Variants in GABRB3 observed in about 807,000 individuals in gnomAD.
GABRB3 encodes gamma-aminobutyric acid type A receptor subunit beta3.
GABRB3 carries 14 observed loss-of-function variants against 52.1 expected under a neutral mutation model. The observed-to-expected ratio is 0.27, with a 90% CI of 0.18 to 0.42. The LOEUF (loss-of-function observed/expected upper bound fraction) is 0.42, where lower values mean the gene tolerates loss of function less well. Among genes scored for constraint, GABRB3 ranks in the 10% least tolerant of loss-of-function variants. The probability of loss-of-function intolerance (pLI) is 1.00; values close to 1 mark genes in which losing one functional copy is unlikely to be tolerated. For missense variants in GABRB3, 307 were observed against 609.1 expected (o/e 0.50, Z 5.22); for synonymous variants, 260 against 232.3 (o/e 1.12, Z -1.08).
At chr15:26,604,315 C>T (rs1891700132) in intron 4 of GABRB3, among the ~76,000 whole-genome samples, 2 of 151,982 alleles carry the variant, frequency 1.3e-5, no homozygotes, top group African/African-American at 4.8e-5. Context: ...TTGGAAGAAT[C>T]ATTATTGTTA....
chr15:26,549,464 T>C (rs990473881), intron 8 of GABRB3, among the ~76,000 whole-genome samples: 1 of 152,158 alleles, frequency 6.6e-6, no homozygotes, highest in Non-Finnish European at 1.5e-5. Flanking sequence ...GTAACACCAT[T>C]CTGGGTCACT....
chr15:26,623,625 G>A (rs1363119965), intron 3 of GABRB3, among the ~76,000 whole-genome samples: 10 of 152,024 alleles, frequency 6.6e-5, no homozygotes, highest in South Asian at 2.1e-4. Context: ...AGATTTCAGC[G>A]GCTTAGACTC....
chr15:26,679,070 C>T lies in GABRB3; in HGVS notation c.241-57536G>A, dbSNP rs1038039907. On this transcript the variant is annotated intron_variant, in intron 3 of 8. Transcript: ENST00000311550. ...AACCTGCAGAAAGACCTCCAGCATCCGCCCCGGGGGCACCAACAAGGTCTA... is the reference window on the plus strand; with the variant it reads ...AACCTGCAGAAAGACCTCCAGCATCTGCCCCGGGGGCACCAACAAGGTCTA... Among the ~76,000 whole-genome samples, 15 of 152,226 alleles carry T rather than the reference C, an allele frequency of 9.9e-5. No individual in the cohort carries two copies. The South Asian group carries it at 1.0e-3, about 11-fold the overall frequency.
In GABRB3 at chr15:26,608,606, C is replaced by CAA. The variant is rs35878817; in HGVS notation, c.461+12706_461+12707dup. Among the ~76,000 whole-genome samples the CAA allele has an allele frequency of 5.3e-3, 808 of 151,294 alleles. 5 individuals are homozygous for CAA. Among genetic ancestry groups the CAA allele is most frequent in the African/African-American group, 0.018 (750 of 41,272 alleles). On this transcript the variant is annotated intron_variant, in intron 4 of 8. Transcript: ENST00000311550. ...GTCAAACAACTCAACAGCAAGAAAA[C>CAA]AAAAAAAAGCTCAATTTAAAAAATG...
intron 4 of GABRB3, among the ~76,000 whole-genome samples, chr15:26,611,257 T>A (rs1042013350): frequency 3.3e-5 from 5 of 152,228 alleles, no homozygotes; most frequent in African/African-American, 1.2e-4. Flanking sequence ...ACTTTTTGTG[T>A]AATTTAAAAC....
At chr15:26,576,184 C>T (rs952829219) in intron 6 of GABRB3, among the ~76,000 whole-genome samples, 6 of 152,280 alleles carry the variant, frequency 3.9e-5, no homozygotes, top group East Asian at 1.9e-4. Context: ...AACCTGATCC[C>T]GTAATCTGTC....
intron 7 of GABRB3, among the ~76,000 whole-genome samples, chr15:26,562,776 C>T (rs991878123): frequency 3.9e-5 from 6 of 152,134 alleles, no homozygotes; most frequent in East Asian, 1.9e-4. Flanking sequence ...CCAACACAAG[C>T]GCTCCCTCCA....
At chr15:26,697,867 T>C (rs574487855) in intron 3 of GABRB3, among the ~76,000 whole-genome samples, 21 of 152,266 alleles carry the variant, frequency 1.4e-4, no homozygotes, top group African/African-American at 5.1e-4. Context: ...ACGTTCACTG[T>C]TTCTCCCAGC....
chr15:26,569,203 C>T (rs942712320), intron 6 of GABRB3: 1 of 152,190 alleles, frequency 6.6e-6, no homozygotes, highest in African/African-American at 2.4e-5. Context: ...CGTATGACTA[C>T]TACCATTATG....
intron 3 of GABRB3, among the ~76,000 whole-genome samples, chr15:26,712,831 TC>T (rs1341398846): frequency 1.3e-5 from 2 of 152,082 alleles, no homozygotes; most frequent in Non-Finnish European, 2.9e-5. Flanking sequence ...AGAGCAGATA[TC>T]GTGGCCGGAG....
chr15:26,700,594 A>T (rs1315367169), intron 3 of GABRB3, among the ~76,000 whole-genome samples: 1 of 152,246 alleles, frequency 6.6e-6, no homozygotes, highest in Non-Finnish European at 1.5e-5. Flanking sequence ...ATCAAATCTA[A>T]CTACATATAA....
At chr15:26,769,678 C>T (rs1566836786) in intron 3 of GABRB3, among the ~76,000 whole-genome samples, 1 of 152,004 alleles carries the variant, frequency 6.6e-6, no homozygotes, top group Admixed American at 6.6e-5. Flanking sequence ...CTATTCATAC[C>T]CCTCACACAA....
intron 3 of GABRB3, among the ~76,000 whole-genome samples, chr15:26,670,344 C>CA (rs748214029): frequency 1.3e-5 from 2 of 152,174 alleles, no homozygotes; most frequent in Admixed American, 6.5e-5. Flanking sequence ...GCGCACTGGA[C>CA]AGACCCGGTC....
Position 26,638,588 on chromosome 15 carries a change from TCTCTTTGTCATCTTTA to T in GABRB3, c.241-17070_241-17055del, listed in dbSNP as rs570778272. 3.3e-5 allele frequency among the ~76,000 whole-genome samples: 5 copies of T among 152,286 alleles called. No homozygotes were observed. The South Asian group carries it at 1.0e-3, about 32-fold the overall frequency. ...CTCTTCTGACAGCACTACTTTGTAG[TCTCTTTGTCATCTTTA>T]TTCCTTCTCTTTCCTTGTTTCCTAA... On this transcript the variant is annotated intron_variant, in intron 3 of 8. Coordinates refer to ENST00000311550, the MANE Select transcript of GABRB3 (RefSeq NM_000814.6).
At chr15:26,718,244 T>C (rs143181275) in intron 3 of GABRB3, among the ~76,000 whole-genome samples, 3,450 of 152,250 alleles carry the variant, frequency 0.023, 124 homozygotes, top group African/African-American at 0.079. Flanking sequence ...GTTTTGCTCT[T>C]GTTACCCAGG....
intron 7 of GABRB3, among the ~76,000 whole-genome samples, chr15:26,563,845 A>G (rs1329268211): frequency 6.6e-6 from 1 of 151,464 alleles, no homozygotes; most frequent in Admixed American, 6.6e-5. Context: ...TGCTAGCCTC[A>G]ACTTATTTGT....
intron 3 of GABRB3, among the ~76,000 whole-genome samples, chr15:26,670,670 T>C (rs929565125): frequency 6.6e-6 from 1 of 152,190 alleles, no homozygotes; most frequent in Non-Finnish European, 1.5e-5. Context: ...GGGAGGATGA[T>C]ACTACTGACA....
At chr15:26,709,515 C>CTT (rs57044167) in intron 3 of GABRB3, among the ~76,000 whole-genome samples, 11,852 of 91,480 alleles carry the variant, frequency 0.13, 877 homozygotes, top group Non-Finnish European at 0.17. Flanking sequence ...TTTTTTCTTT[C>CTT]TTTTTTTTTT....
chr15:26,552,822 ATGT>A (rs1156911613), intron 8 of GABRB3, among the ~76,000 whole-genome samples: 2 of 152,116 alleles, frequency 1.3e-5, no homozygotes, highest in Non-Finnish European at 2.9e-5. Flanking sequence ...CACACTGGGA[ATGT>A]TGTTGTGGAG....
Sources: allele counts gnomAD v4.1 joint callset (sites outside exome capture counted in the v4.1 genomes callset), GRCh38; gene constraint gnomAD v4.1.1; transcripts MANE v1.5; gene names NCBI Gene and HGNC (gene_info 2026-07-23, HGNC 2026-07-21).